Variants in FOXP2 observed in about 807,000 individuals in gnomAD.
The protein encoded by FOXP2 is forkhead box P2, also known as forkhead box protein P2.
In FOXP2, 12 loss-of-function variants were observed where a neutral mutation model predicts 115.8. The ratio of observed to expected loss-of-function variants is 0.10; its 90% CI spans 0.07 to 0.17. FOXP2 has a LOEUF of 0.17. FOXP2 is among the 10% of genes least tolerant of loss of function. The pLI, the probability that FOXP2 is intolerant of heterozygous loss-of-function variation, is 1.00. For synonymous variants in FOXP2, 328 were observed against 297.7 expected (o/e 1.10, Z -1.05); for missense variants, 629 against 843.5 (o/e 0.75, Z 3.15).
intron 7 of FOXP2, among the ~76,000 whole-genome samples, 177 bp downstream of exon 7, chr7:114,642,800 ATATATATATATATT>A (rs1268575492): frequency 4.6e-4 from 14 of 30,708 alleles, no homozygotes; most frequent in African/African-American, 1.2e-3. Flanking sequence ...ATATATATAT[ATATATATATATATT>A]TTTTTTTTTT....
At chr7:114,340,587 G>T (rs1791177966) in intron 2 of FOXP2, among the ~76,000 whole-genome samples, 1 of 151,148 alleles carries the variant, frequency 6.6e-6, no homozygotes, top group Admixed American at 6.6e-5. Flanking sequence ...ATTTTGCAAA[G>T]TGCCTCACCT....
chr7:114,181,761 A>G (rs1167244681), intron 1 of FOXP2, among the ~76,000 whole-genome samples: 1 of 152,092 alleles, frequency 6.6e-6, no homozygotes, highest in African/African-American at 2.4e-5. Context: ...TAAAACACTA[A>G]ATGACCTAAT....
intron 3 of FOXP2, among the ~76,000 whole-genome samples, chr7:114,565,693 C>T (rs1354664420): frequency 6.6e-6 from 1 of 152,114 alleles, no homozygotes; most frequent in Non-Finnish European, 1.5e-5. Flanking sequence ...CCTTTCCTTC[C>T]TCAGTCCACA....
intron 9 of FOXP2, among the ~76,000 whole-genome samples, chr7:114,652,539 A>G (rs1176851309): frequency 6.6e-6 from 1 of 152,158 alleles, no homozygotes; most frequent in Non-Finnish European, 1.5e-5. Context: ...GAATTTGAAT[A>G]TCCCAAAGTA....
intron 2 of FOXP2, among the ~76,000 whole-genome samples, chr7:114,504,814 C>T (rs1797735043): frequency 6.6e-6 from 1 of 151,686 alleles, no homozygotes; most frequent in East Asian, 1.9e-4. Context: ...CTTTGTGACC[C>T]TTTCTTTTCC....
chr7:114,238,693 G>T (rs1219080036), intron 1 of FOXP2, among the ~76,000 whole-genome samples: 6 of 151,812 alleles, frequency 4.0e-5, no homozygotes, highest in Non-Finnish European at 5.9e-5. Context: ...GATGGGTTGG[G>T]TCTGGGAGGC....
At chr7:114,169,730 C>G (rs1793086811) in intron 1 of FOXP2, among the ~76,000 whole-genome samples, 1 of 37,028 alleles carries the variant, frequency 2.7e-5, no homozygotes, top group Admixed American at 2.7e-4. Context: ...GGCTGTGTGT[C>G]CTCACCCAAT....
Position 114,137,814 on chromosome 7 carries a change from G to A in FOXP2, c.-246-25130G>A, listed in dbSNP as rs139232253. 2.8e-3 allele frequency among the ~76,000 whole-genome samples: 430 copies of A among 152,188 alleles called. 2 individuals are homozygous for A. The highest frequency in any genetic ancestry group is 9.9e-3 in the African/African-American group (411 of 41,544). On this transcript the variant is annotated intron_variant, in intron 1 of 19. Transcript: ENST00000635638. ...AATACAAATGATTACATACAGCAAT[G>A]TTTATAGATAGGTGTATATATAGGG... is the stretch of plus-strand genomic sequence containing the variant.
intron 2 of FOXP2, among the ~76,000 whole-genome samples, chr7:114,435,443 A>T (rs1333224576): frequency 6.6e-6 from 1 of 152,174 alleles, no homozygotes. Context: ...ACTTCATACA[A>T]AGACTATTGG....
rs139965943 is a variant in FOXP2, at chr7:114,125,203, G to C, written c.-247+37365G>C. Among the ~76,000 whole-genome samples, 482 of 152,160 alleles carry C rather than the reference G, an allele frequency of 3.2e-3. 3 individuals are homozygous for C. The highest frequency in any genetic ancestry group is 0.011 in the African/African-American group (462 of 41,528). On this transcript the variant is annotated intron_variant, in intron 1 of 19. Transcript: ENST00000635638. ...TATGATCATCTTATGTCTAGCACTA[G>C]ATGAAAGTTTGACTAAAAGTTTAAA...
At chr7:114,183,666 T>C (rs754278825) in intron 1 of FOXP2, among the ~76,000 whole-genome samples, 1 of 152,214 alleles carries the variant, frequency 6.6e-6, no homozygotes, top group Non-Finnish European at 1.5e-5. Flanking sequence ...TTATTAAGTT[T>C]CTTGAAATGT....
intron 1 of FOXP2, among the ~76,000 whole-genome samples, chr7:114,181,316 C>T (rs12154502): frequency 0.12 from 18,450 of 150,656 alleles, 1,434 homozygotes; most frequent in East Asian, 0.23. Context: ...TAAAGTATAA[C>T]ATGCATATAA....
At chr7:114,560,015 T>C (rs1049643186) in intron 3 of FOXP2, among the ~76,000 whole-genome samples, 1 of 152,188 alleles carries the variant, frequency 6.6e-6, no homozygotes, top group Non-Finnish European at 1.5e-5. Flanking sequence ...GGTATCTGCA[T>C]TGGGACAGTG....
chr7:114,677,799 C>G (rs963194898), intron 16 of FOXP2, among the ~76,000 whole-genome samples: 4 of 152,184 alleles, frequency 2.6e-5, no homozygotes, highest in Non-Finnish European at 5.9e-5. Context: ...AACTAATCAA[C>G]TGCTACTTTG....
chr7:114,338,983 A>G (rs566377150), intron 2 of FOXP2, among the ~76,000 whole-genome samples: 1 of 151,152 alleles, frequency 6.6e-6, no homozygotes, highest in African/African-American at 2.4e-5. Flanking sequence ...TCCACAAGGG[A>G]TGATAAGCCA....
At chr7:114,465,340 T>C (rs1247644944) in intron 2 of FOXP2, among the ~76,000 whole-genome samples, 1 of 152,182 alleles carries the variant, frequency 6.6e-6, no homozygotes, top group East Asian at 1.9e-4. Flanking sequence ...ATTCTACTTT[T>C]TACTCACTAG....
intron 1 of FOXP2, among the ~76,000 whole-genome samples, chr7:114,186,132 T>A (rs1034481257): frequency 1.3e-5 from 2 of 152,102 alleles, no homozygotes; most frequent in Non-Finnish European, 1.5e-5. Flanking sequence ...TTAGCATGAT[T>A]TTTGGACGGG....
chr7:114,615,952 C>T (rs2129320598), intron 3 of FOXP2, among the ~76,000 whole-genome samples: 1 of 152,236 alleles, frequency 6.6e-6, no homozygotes, highest in South Asian at 2.1e-4. Context: ...TAAGATGATC[C>T]TCTTTGTTTA....
At chr7:114,125,363 T>C (rs1791680312) in intron 1 of FOXP2, among the ~76,000 whole-genome samples, 1 of 152,164 alleles carries the variant, frequency 6.6e-6, no homozygotes, top group Non-Finnish European at 1.5e-5. Context: ...TCAGAATGAA[T>C]AGCAAGTTAA....
Sources: gnomAD v4.1 joint callset for allele counts (sites outside exome capture counted in the v4.1 genomes callset) on GRCh38, gnomAD v4.1.1 for gene constraint, MANE v1.5 for transcripts, NCBI Gene and HGNC (gene_info 2026-07-23, HGNC 2026-07-21) for gene names.